The following HACD3 variants were observed in gnomAD, a reference collection of about 807,000 sequenced individuals.
HACD3 encodes the protein very-long-chain (3R)-3-hydroxyacyl-CoA dehydratase 3.
HACD3 carries 30 observed loss-of-function variants against 55.2 expected under a neutral mutation model. The ratio of observed to expected loss-of-function variants is 0.54; its 90% CI spans 0.41 to 0.74. The LOEUF is 0.74. Ranked by LOEUF, HACD3 falls within the 30% of genes least tolerant of loss-of-function variation. The probability of loss-of-function intolerance (pLI) is 0.00; values close to 1 mark genes in which losing one functional copy is unlikely to be tolerated. For synonymous variants in HACD3, 141 were observed against 151.7 expected (o/e 0.93, Z 0.52); for missense variants, 363 against 440.1 (o/e 0.82, Z 1.57).
In HACD3 at chr15:65,530,552, T is replaced by G. The variant is rs2071885476; in HGVS notation, c.-80T>G. ...GAGCGCTAGGGTTTGAGGCCTGCTT[T>G]CTGCTCGCGCCAGCAGAGCACTACC... On this transcript the variant is annotated 5_prime_UTR_variant, in exon 1 of 11. Transcript: ENST00000261875. 7.5e-7 allele frequency: 1 copy of G among 1,340,344 alleles called. No homozygotes were observed. The allele number at this position is 1,340,344 out of a possible 1,614,324, so 83.0% of individuals were successfully genotyped here.
intron 8 of HACD3, 103 bp downstream of exon 8, chr15:65,570,306 G>A: frequency 1.2e-6 from 1 of 848,398 alleles, no homozygotes; most frequent in Non-Finnish European, 1.8e-6. Context: ...TTTGGTTTGG[G>A]ACTAAGATTA....
intron 9 of HACD3, 81 bp from the exon 10 acceptor site, chr15:65,572,154 T>TA: frequency 1.3e-6 from 2 of 1,555,512 alleles, no homozygotes; most frequent in Non-Finnish European, 1.7e-6. Flanking sequence ...ACTGAAACTT[T>TA]AGAGTACTAG....
chr15:65,569,106 A>G (rs2141224320), intron 7 of HACD3, among the ~76,000 whole-genome samples: 1 of 151,904 alleles, frequency 6.6e-6, no homozygotes, highest in African/African-American at 2.4e-5. Flanking sequence ...AAATTAGCTG[A>G]GCGTGGTGGC....
chr15:65,555,959 C>T (rs542090210), intron 3 of HACD3, among the ~76,000 whole-genome samples: 21 of 152,238 alleles, frequency 1.4e-4, no homozygotes, highest in African/African-American at 4.8e-4. Context: ...TAGTTCCCTC[C>T]AGCCTAACCA....
At chr15:65,568,021 C>T (rs2072309745) in intron 7 of HACD3, among the ~76,000 whole-genome samples, 1 of 151,394 alleles carries the variant, frequency 6.6e-6, no homozygotes. Context: ...CTCCTGGGTT[C>T]ACGCAATTCT....
At chr15:65,557,059 A>G (rs1055930137) in intron 4 of HACD3, among the ~76,000 whole-genome samples, 156 bp downstream of exon 4, 1 of 152,220 alleles carries the variant, frequency 6.6e-6, no homozygotes, top group African/African-American at 2.4e-5. Context: ...AGTATTGGCT[A>G]TGTATTTTAT....
In HACD3 at chr15:65,530,529, G is replaced by A. The variant is rs1286990055; in HGVS notation, c.-103G>A. On this transcript the variant is annotated 5_prime_UTR_variant, in exon 1 of 11. Coordinates refer to ENST00000261875, the MANE Select transcript of HACD3 (RefSeq NM_016395.4). ...GGTGCCGGGTTGCAGGCGCTCAGGA[G>A]CGCTAGGGTTTGAGGCCTGCTTTCT... 8 of 1,069,838 alleles carry A rather than the reference G, an allele frequency of 7.5e-6. No individual in the cohort carries two copies. The highest frequency in any genetic ancestry group is 1.1e-5 in the Non-Finnish European group (8 of 751,276). 66.3% of individuals were successfully genotyped at this position (1,069,838 alleles called of 1,614,324 possible). A position where few individuals can be genotyped will look rare whatever the true frequency, so the allele number is the denominator to read the frequency against.
intron 8 of HACD3, 77 bp downstream of exon 8, chr15:65,570,280 C>G: frequency 1.9e-6 from 2 of 1,077,078 alleles, no homozygotes; most frequent in South Asian, 2.8e-5. Flanking sequence ...GAGTTGTTAT[C>G]TTAGCCAGAG....
intron 1 of HACD3, chr15:65,531,239 A>G (rs1199523614): frequency 6.6e-6 from 1 of 152,464 alleles, no homozygotes; most frequent in African/African-American, 2.4e-5. Flanking sequence ...GGCCACACCC[A>G]CCTCGCAACC....
chr15:65,534,698 C>T (rs1311071299), intron 1 of HACD3, among the ~76,000 whole-genome samples: 2 of 151,782 alleles, frequency 1.3e-5, no homozygotes, highest in East Asian at 3.9e-4. Flanking sequence ...GAGATTGGGT[C>T]CTTGTTCTTA....
rs753042295 is a variant in HACD3 at position 65,572,230 on chromosome 15, T to C, written c.881-5T>C. ...CTTCTAACAAGTTCTTGTTTCTGTT[T>C]TCAGCTGTCTCAGTGATTCAGTCCA... On this transcript the variant is annotated splice_polypyrimidine_tract_variant and splice_region_variant and intron_variant, in intron 9 of 10. Coordinates refer to ENST00000261875, the MANE Select transcript of HACD3 (RefSeq NM_016395.4). 4 of 1,611,758 alleles carry C rather than the reference T, an allele frequency of 2.5e-6. No individual in the cohort carries two copies. Among genetic ancestry groups the C allele is most frequent in the South Asian group, 1.1e-5 (1 of 90,138 alleles).
chr15:65,530,959 CCT>C (rs2071891556), intron 1 of HACD3: 2 of 490,032 alleles, frequency 4.1e-6, no homozygotes, highest in Non-Finnish European at 7.2e-6. Flanking sequence ...TCGGCCTGGG[CCT>C]CTCAGGCTAC....
chr15:65,556,972 T>G, intron 4 of HACD3, 69 bp downstream of exon 4: 1 of 1,416,998 alleles, frequency 7.1e-7, no homozygotes. Flanking sequence ...TCAGGCCACT[T>G]CAGATACCTC....
At chr15:65,570,921 T>A (rs948863040) in intron 8 of HACD3, among the ~76,000 whole-genome samples, 1 of 152,184 alleles carries the variant, frequency 6.6e-6, no homozygotes, top group African/African-American at 2.4e-5. Context: ...CAGTGTACCC[T>A]CTAATAGCCT....
intron 1 of HACD3, among the ~76,000 whole-genome samples, chr15:65,549,963 C>T (rs570731225): frequency 1.3e-5 from 2 of 152,184 alleles, no homozygotes; most frequent in Non-Finnish European, 2.9e-5. Context: ...AAATGCAGAT[C>T]GATCCTCTGT....
intron 10 of HACD3, among the ~76,000 whole-genome samples, chr15:65,573,272 T>C (rs2072368742): frequency 6.6e-6 from 1 of 152,188 alleles, no homozygotes; most frequent in African/African-American, 2.4e-5. Context: ...TTTAAAAGGC[T>C]TCCTAACTAT....
intron 1 of HACD3, among the ~76,000 whole-genome samples, chr15:65,544,056 A>G (rs887470793): frequency 2.6e-5 from 4 of 152,280 alleles, no homozygotes; most frequent in South Asian, 2.1e-4. Context: ...GGGCGCCTGT[A>G]GTCCCAGCTA....
intron 1 of HACD3, among the ~76,000 whole-genome samples, chr15:65,547,433 T>C (rs1465517421): frequency 2.0e-5 from 3 of 152,202 alleles, no homozygotes; most frequent in African/African-American, 4.8e-5. Flanking sequence ...ATGATTTTTA[T>C]TGGGGCTTGT....
intron 2 of HACD3, 91 bp from the exon 3 acceptor site, chr15:65,554,796 T>A: frequency 1.1e-6 from 1 of 873,538 alleles, no homozygotes; most frequent in Non-Finnish European, 1.9e-6. Context: ...AGTGTAATAT[T>A]CGCATACTTG....
Sources: allele counts gnomAD v4.1 joint callset (sites outside exome capture counted in the v4.1 genomes callset), GRCh38; gene constraint gnomAD v4.1.1; transcripts MANE v1.5; gene names NCBI Gene and HGNC (gene_info 2026-07-23, HGNC 2026-07-21).